MGAT5: variants seen among roughly 807,000 people sequenced by gnomAD.
The protein encoded by MGAT5 is alpha-1,6-mannosylglycoprotein 6-beta-N-acetylglucosaminyltransferase A.
In MGAT5, 30 loss-of-function variants were observed where a neutral mutation model predicts 94.3. That is an observed-to-expected ratio of 0.32 (90% CI 0.24 to 0.43). MGAT5 has a LOEUF of 0.43. Among genes scored for constraint, MGAT5 ranks in the 20% least tolerant of loss-of-function variants. MGAT5 has a pLI of 1.00. For missense variants in MGAT5, 691 were observed against 905.5 expected, an observed-to-expected ratio of 0.76 and a Z score of 3.04; for synonymous variants, 310 against 322.9, an observed-to-expected ratio of 0.96 and a Z score of 0.43.
intron 1 of MGAT5, among the ~76,000 whole-genome samples, chr2:134,239,685 T>G (rs1681864118): frequency 6.6e-6 from 1 of 151,956 alleles, no homozygotes; most frequent in Non-Finnish European, 1.5e-5. Flanking sequence ...CCCTTTGCCA[T>G]GTATGTCCTG....
At chr2:134,371,339 T>C (rs1680785749) in intron 10 of MGAT5, among the ~76,000 whole-genome samples, 1 of 152,204 alleles carries the variant, frequency 6.6e-6, no homozygotes, top group Non-Finnish European at 1.5e-5. Context: ...GGCCAAGTCA[T>C]GCTTTCAGTC....
chr2:134,306,118 A>T (rs1189767977), intron 2 of MGAT5, among the ~76,000 whole-genome samples: 1 of 152,076 alleles, frequency 6.6e-6, no homozygotes, highest in African/African-American at 2.4e-5. Flanking sequence ...TATTAGGCCC[A>T]TTTGTTGTAA....
At chr2:134,199,629 C>A (rs1679674413) in intron 1 of MGAT5, among the ~76,000 whole-genome samples, 1 of 152,062 alleles carries the variant, frequency 6.6e-6, no homozygotes, top group Non-Finnish European at 1.5e-5. Context: ...TCCAACAGCT[C>A]TCTGTCAGTA....
At chr2:134,289,274 G>A (rs1044533658) in intron 2 of MGAT5, among the ~76,000 whole-genome samples, 2 of 152,116 alleles carry the variant, frequency 1.3e-5, no homozygotes, top group African/African-American at 2.4e-5. Flanking sequence ...CTTTGAGAAG[G>A]CAACCATTGC....
chr2:134,156,539 AG>A (rs1387271060), intron 1 of MGAT5, among the ~76,000 whole-genome samples: 1 of 152,174 alleles, frequency 6.6e-6, no homozygotes, highest in Non-Finnish European at 1.5e-5. Flanking sequence ...AGAGGCCCAA[AG>A]CAAGGATCCC....
rs200509590 is a variant in MGAT5, at chr2:134,254,367, G to A, written c.-37G>A. The A allele has an allele frequency of 2.1e-5, 34 of 1,611,812 alleles. No homozygotes were observed. The highest frequency in any genetic ancestry group is 2.5e-5 in the Non-Finnish European group (30 of 1,178,850). ...ATGAATTTGTGTCTATCTTCTACGC[G>A]TTAAGAGCCAAGGACAGGTGAAGTT... is the stretch of plus-strand genomic sequence containing the variant. On this transcript the variant is annotated 5_prime_UTR_variant, in exon 1 of 16. Coordinates refer to ENST00000281923, the MANE Select transcript of MGAT5 (RefSeq NM_002410.5).
In MGAT5 at chr2:134,153,354, CT is replaced by C. The variant is rs779673263; in HGVS notation, c.-143+33072del. On this transcript the variant is annotated intron_variant, in intron 1 of 16. Coordinates refer to the MGAT5 transcript ENST00000409645. ...AATCAGGAGACCCTTGGTCTTCTTT[CT>C]TTTTTTTTATTATTAAATTGGAATT... 1.1e-4 allele frequency among the ~76,000 whole-genome samples: 17 copies of C among 151,648 alleles called. No homozygotes were observed. In the East Asian group the frequency reaches 3.3e-3, roughly 29 times the overall value.
At chr2:134,430,898 G>A (rs1020919224) in intron 14 of MGAT5, among the ~76,000 whole-genome samples, 2 of 152,220 alleles carry the variant, frequency 1.3e-5, no homozygotes, top group African/African-American at 4.8e-5. Flanking sequence ...GGCAGTAAGT[G>A]CCACTGCTGT....
At position 134,276,077 on chromosome 2, in the gene MGAT5, G is replaced by A. The variant is rs941724436; in HGVS notation, c.406+5527G>A. Among the ~76,000 whole-genome samples the A allele has an allele frequency of 3.3e-5, 5 of 152,056 alleles. No homozygotes were observed. The East Asian group carries it at 5.8e-4, about 18-fold the overall frequency. The stretch of plus-strand genomic sequence containing the variant: ...TCACCTATGGTTAGTGCAGAAAGAC[G>A]CCTGAGACGCTGAAGTTTCCTGATT... On this transcript the variant is annotated intron_variant, in intron 2 of 15. Coordinates refer to ENST00000281923, the MANE Select transcript of MGAT5 (RefSeq NM_002410.5).
intron 14 of MGAT5, among the ~76,000 whole-genome samples, chr2:134,431,484 T>C (rs1684870886): frequency 6.6e-6 from 1 of 152,308 alleles, no homozygotes; most frequent in South Asian, 2.1e-4. Flanking sequence ...TTGGGTCTGC[T>C]ACCTCTTTTA....
chr2:134,206,823 A>T (rs1680042096), intron 1 of MGAT5, among the ~76,000 whole-genome samples: 1 of 152,192 alleles, frequency 6.6e-6, no homozygotes, highest in Non-Finnish European at 1.5e-5. Context: ...TGGAAGAGGC[A>T]AGGAACCGAC....
At position 134,230,104 on chromosome 2, in the gene MGAT5, C is replaced by T. The variant is rs151057098; in HGVS notation, c.-142-24158C>T. Among the ~76,000 whole-genome samples, 1,257 of 152,254 alleles carry T rather than the reference C, an allele frequency of 8.3e-3. 11 individuals are homozygous for T. Among genetic ancestry groups the T allele is most frequent in the East Asian group, 0.033 (170 of 5,182 alleles). On this transcript the variant is annotated intron_variant, in intron 1 of 16. Coordinates refer to the MGAT5 transcript ENST00000409645. The stretch of plus-strand genomic sequence containing the variant: ...TTGGCACCAGGGACTGGTTTCATGG[C>T]GGATAATTTTTCCACGGATGAAGGG...
intron 1 of MGAT5, among the ~76,000 whole-genome samples, chr2:134,247,272 A>T (rs1682325076): frequency 6.6e-6 from 1 of 150,396 alleles, no homozygotes; most frequent in Non-Finnish European, 1.5e-5. Flanking sequence ...GAACTTCAAG[A>T]TATGTGACCA....
At position 134,242,767 on chromosome 2, in the gene MGAT5, G is replaced by A. The variant is rs572676685; in HGVS notation, c.-142-11495G>A. Among the ~76,000 whole-genome samples the A allele has an allele frequency of 1.2e-3, 185 of 152,278 alleles. 3 individuals are homozygous for A. Among genetic ancestry groups the A allele is most frequent in the South Asian group, 0.012 (56 of 4,820 alleles). On this transcript the variant is annotated intron_variant, in intron 1 of 16. Transcript: ENST00000409645. ...TGCTAAAAGCATTGTAGACATCGAG[G>A]CTTTTGGGCTAGCCTCAAATCATTT...
intron 10 of MGAT5, among the ~76,000 whole-genome samples, chr2:134,388,681 C>G (rs1036235861): frequency 8.2e-5 from 12 of 146,946 alleles, no homozygotes; most frequent in African/African-American, 3.0e-4. Flanking sequence ...TTACTAATTG[C>G]ATACCTGTGG....
chr2:134,376,615 T>G (rs1681189357), intron 10 of MGAT5, among the ~76,000 whole-genome samples: 1 of 152,142 alleles, frequency 6.6e-6, no homozygotes, highest in Admixed American at 6.5e-5. Context: ...CCAGCATGCC[T>G]CCTGTCTGGA....
intron 1 of MGAT5, among the ~76,000 whole-genome samples, chr2:134,125,224 A>C (rs1232164341): frequency 6.6e-6 from 1 of 152,196 alleles, no homozygotes; most frequent in Non-Finnish European, 1.5e-5. Context: ...CTCAACAATG[A>C]GGTAGATTCT....
At chr2:134,297,688 G>A (rs1685757730) in intron 2 of MGAT5, among the ~76,000 whole-genome samples, 1 of 152,022 alleles carries the variant, frequency 6.6e-6, no homozygotes, top group African/African-American at 2.4e-5. Context: ...ATTCATGAAA[G>A]CAATTCTCAA....
At chr2:134,382,322 A>T (rs150037657) in intron 10 of MGAT5, among the ~76,000 whole-genome samples, 193 of 152,112 alleles carry the variant, frequency 1.3e-3, no homozygotes, top group African/African-American at 4.5e-3. Context: ...TGACATTGTG[A>T]TAGAAGCTCC....
Sources: allele counts gnomAD v4.1 joint callset (sites outside exome capture counted in the v4.1 genomes callset), GRCh38; gene constraint gnomAD v4.1.1; transcripts MANE v1.5; gene names NCBI Gene and HGNC (gene_info 2026-07-23, HGNC 2026-07-21).